Variants in TMTC2 observed in about 807,000 individuals in gnomAD.
TMTC2 encodes protein O-mannosyl-transferase TMTC2.
In TMTC2, 43 loss-of-function variants were observed where a neutral mutation model predicts 82.4. That is an observed-to-expected ratio of 0.52 (90% CI 0.41 to 0.67). TMTC2 has a LOEUF of 0.67. Among genes scored for constraint, TMTC2 ranks in the 30% least tolerant of loss-of-function variants. TMTC2 has a pLI of 0.00. For synonymous variants in TMTC2, 408 were observed against 381.9 expected, an observed-to-expected ratio of 1.07 and a Z score of -0.80; for missense variants, 919 against 1,012.4, an observed-to-expected ratio of 0.91 and a Z score of 1.25.
chr12:82,755,480 G>C (rs562934316), intron 1 of TMTC2, among the ~76,000 whole-genome samples: 5 of 152,284 alleles, frequency 3.3e-5, no homozygotes, highest in African/African-American at 1.2e-4. Flanking sequence ...ATGAAATTCA[G>C]TTCCTGGCAT....
chr12:82,789,043 T>C (rs916054525), intron 1 of TMTC2, among the ~76,000 whole-genome samples: 1 of 152,146 alleles, frequency 6.6e-6, no homozygotes, highest in Non-Finnish European at 1.5e-5. Context: ...TACCTACTTC[T>C]GTCTGTCACC....
At chr12:83,005,206 T>TAAA (rs59772281) in intron 8 of TMTC2, among the ~76,000 whole-genome samples, 141 of 36,352 alleles carry the variant, frequency 3.9e-3, no homozygotes, top group African/African-American at 7.9e-3. Context: ...TTTGTCTTAT[T>TAAA]AAAAAAAAAA....
chr12:82,840,936 T>C (rs1381620924), intron 1 of TMTC2, among the ~76,000 whole-genome samples: 2 of 152,212 alleles, frequency 1.3e-5, no homozygotes, highest in South Asian at 2.1e-4. Context: ...CCTGCCACCA[T>C]GCCTGACTAA....
chr12:83,082,524 G>A (rs1044786184), intron 11 of TMTC2, among the ~76,000 whole-genome samples: 4 of 152,146 alleles, frequency 2.6e-5, no homozygotes, highest in Non-Finnish European at 5.9e-5. Context: ...AATATAGACT[G>A]TGCTTTCAGG....
At chr12:82,728,436 C>G (rs1425605864) in intron 1 of TMTC2, among the ~76,000 whole-genome samples, 1 of 151,772 alleles carries the variant, frequency 6.6e-6, no homozygotes, top group Non-Finnish European at 1.5e-5. Flanking sequence ...AACAGCAGAC[C>G]CAGGCTGGGC....
At chr12:82,752,693 C>G (rs907090665) in intron 1 of TMTC2, among the ~76,000 whole-genome samples, 1 of 151,460 alleles carries the variant, frequency 6.6e-6, no homozygotes, top group Non-Finnish European at 1.5e-5. Context: ...CATCATGTAT[C>G]TTAGTGGACA....
At chr12:82,820,689 CTA>C (rs1472742670) in intron 1 of TMTC2, among the ~76,000 whole-genome samples, 1 of 152,076 alleles carries the variant, frequency 6.6e-6, no homozygotes, top group Non-Finnish European at 1.5e-5. Flanking sequence ...AACTGTATTT[CTA>C]TGTTATGTTT....
chr12:83,040,488 G>A (rs1881847314), intron 9 of TMTC2, among the ~76,000 whole-genome samples: 2 of 152,060 alleles, frequency 1.3e-5, no homozygotes, highest in South Asian at 4.1e-4. Context: ...CCTACATGGT[G>A]TTATTTACAC....
chr12:82,903,664 C>T (rs554230983), intron 3 of TMTC2, among the ~76,000 whole-genome samples: 8 of 152,164 alleles, frequency 5.3e-5, no homozygotes, highest in Non-Finnish European at 1.2e-4. Context: ...TCACCCTCCT[C>T]GGCCTCCCAA....
At chr12:83,126,566 C>T (rs1467760325) in intron 11 of TMTC2, among the ~76,000 whole-genome samples, 1 of 151,950 alleles carries the variant, frequency 6.6e-6, no homozygotes, top group African/African-American at 2.4e-5. Flanking sequence ...ATGATAAGGG[C>T]CTGAACCAAG....
chr12:82,693,109 C>A (rs566180589), intron 1 of TMTC2, among the ~76,000 whole-genome samples: 58 of 152,274 alleles, frequency 3.8e-4, no homozygotes, highest in African/African-American at 1.4e-3. Flanking sequence ...CTTACCTGTA[C>A]TTTAGCAGGT....
At chr12:82,845,739 C>G (rs1870623385) in intron 1 of TMTC2, among the ~76,000 whole-genome samples, 1 of 152,076 alleles carries the variant, frequency 6.6e-6, no homozygotes, top group Non-Finnish European at 1.5e-5. Flanking sequence ...CAAGTTGTTT[C>G]ACTCATTATT....
At chr12:82,951,598 G>A (rs930027827) in intron 4 of TMTC2, among the ~76,000 whole-genome samples, 2 of 152,174 alleles carry the variant, frequency 1.3e-5, no homozygotes, top group South Asian at 4.1e-4. Flanking sequence ...TAAGATTACA[G>A]GTGTGAGCCA....
At chr12:83,045,400 T>TTTTAC (rs1193702473) in intron 9 of TMTC2, among the ~76,000 whole-genome samples, 3 of 152,132 alleles carry the variant, frequency 2.0e-5, no homozygotes, top group Non-Finnish European at 2.9e-5. Context: ...ACAAAATAAA[T>TTTTAC]TTTACTTACG....
intron 1 of TMTC2, among the ~76,000 whole-genome samples, chr12:82,784,667 C>A (rs539921446): frequency 1.2e-4 from 19 of 152,082 alleles, no homozygotes; most frequent in Admixed American, 1.3e-4. Context: ...TTTTAACTTC[C>A]GTCTTGAAGT....
intron 11 of TMTC2, among the ~76,000 whole-genome samples, chr12:83,121,601 G>C (rs981355143): frequency 2.6e-5 from 4 of 152,128 alleles, no homozygotes; most frequent in African/African-American, 9.7e-5. Context: ...AGCTTTGGTG[G>C]TTTAATGCAC....
chr12:83,082,302 C>G (rs1429358994), intron 11 of TMTC2, among the ~76,000 whole-genome samples: 1 of 152,196 alleles, frequency 6.6e-6, no homozygotes, highest in African/African-American at 2.4e-5. Flanking sequence ...ATGCTAGGCT[C>G]TGAGAAGAAC....
intron 2 of TMTC2, among the ~76,000 whole-genome samples, chr12:82,870,484 T>G (rs547251470): frequency 6.6e-6 from 1 of 152,354 alleles, no homozygotes; most frequent in South Asian, 2.1e-4. Flanking sequence ...CATGCCAAAC[T>G]TAAGATGGGT....
chr12:82,889,276 A>T (rs1179978437), intron 2 of TMTC2, among the ~76,000 whole-genome samples: 3 of 151,806 alleles, frequency 2.0e-5, no homozygotes, highest in Non-Finnish European at 4.4e-5. Context: ...CCAAAAAAAA[A>T]AAAAAAAGTG....
Sources: gnomAD v4.1 joint callset for allele counts (sites outside exome capture counted in the v4.1 genomes callset) on GRCh38, gnomAD v4.1.1 for gene constraint, MANE v1.5 for transcripts, NCBI Gene and HGNC (gene_info 2026-07-23, HGNC 2026-07-21) for gene names.